The following CTXN2 variants were observed in gnomAD, a reference collection of about 807,000 sequenced individuals.
CTXN2 encodes the protein cortexin 2, also known as cortexin-2.
CTXN2 carries 3 observed loss-of-function variants against 5.7 expected under a neutral mutation model. The observed-to-expected ratio is 0.53, with a 90% CI of 0.24 to 1.36. CTXN2 has a LOEUF of 1.36. Among genes scored for constraint, CTXN2 ranks in the 40% most tolerant of loss-of-function variants. CTXN2 has a pLI of 0.17. For missense variants in CTXN2, 87 were observed against 93.0 expected (o/e 0.94, Z 0.26); for synonymous variants, 38 against 36.4 (o/e 1.04, Z -0.16).
At position 48,191,674 on chromosome 15, in the gene CTXN2, A is replaced by G; in HGVS notation, c.-237A>G. Reference sequence around the variant, plus strand: ...GGCGCCCACGTCCTCTGTCTCACCAACAGACACAGACATTTACACTTCTAG... The same window carrying G: ...GGCGCCCACGTCCTCTGTCTCACCAGCAGACACAGACATTTACACTTCTAG... On this transcript the variant is annotated 5_prime_UTR_variant, in exon 1 of 2. Coordinates refer to ENST00000417307, the MANE Select transcript of CTXN2 (RefSeq NM_001145668.2). 1 of 455,508 alleles carries G rather than the reference A, an allele frequency of 2.2e-6. No individual in the cohort carries two copies. Among genetic ancestry groups the G allele is most frequent in the South Asian group, 1.6e-5 (1 of 64,490 alleles). 28.2% of individuals were successfully genotyped at this position (455,508 alleles called of 1,614,324 possible). A position where few individuals can be genotyped will look rare whatever the true frequency, so the allele number is the denominator to read the frequency against.
Position 48,201,354 on chromosome 15 carries a change from A to G in CTXN2, c.54A>G (p.Val18=), listed in dbSNP as rs1042272049. The G allele has an allele frequency of 5.8e-6, 9 of 1,551,358 alleles. No individual in the cohort carries two copies. Among genetic ancestry groups the G allele is most frequent in the Non-Finnish European group, 7.8e-6 (9 of 1,146,718 alleles). The part of the protein sequence containing the change: ...NSSAKMSVNE[V]SAFSLTLEQK... ...CAGCTAAGATGAGTGTCAACGAAGT[A>G]TCAGCTTTCTCATTGACTCTGGAGC... The change falls in exon 2 of 2, where the codon GTA becomes GTG. Residue 18 remains valine, a synonymous_variant. Transcript: ENST00000417307.
chr15:48,179,574 T>C (rs768983799), intron 1 of CTXN2, among the ~76,000 whole-genome samples: 1 of 152,218 alleles, frequency 6.6e-6, no homozygotes, highest in Non-Finnish European at 1.5e-5. Flanking sequence ...AGACAAAATC[T>C]GGGTTAGAAC....
At chr15:48,195,329 G>C (rs1333988938) in intron 1 of CTXN2, among the ~76,000 whole-genome samples, 1 of 151,710 alleles carries the variant, frequency 6.6e-6, no homozygotes, top group Non-Finnish European at 1.5e-5. Context: ...CTACTCCCTA[G>C]TGGAGACCCT....
chr15:48,191,529 TCA>T (rs2040822019), upstream of CTXN2: 1 of 317,500 alleles, frequency 3.1e-6, no homozygotes, highest in Admixed American at 3.8e-5. Flanking sequence ...CCTTTCAGTC[TCA>T]CATACACACA....
At chr15:48,199,472 A>T (rs2040910465) in intron 1 of CTXN2, among the ~76,000 whole-genome samples, 1 of 152,232 alleles carries the variant, frequency 6.6e-6, no homozygotes, top group East Asian at 1.9e-4. Context: ...CTAGTAAAAA[A>T]CTAAATGAAC....
Position 48,196,636 on chromosome 15 carries a change from A to G in CTXN2, c.-57-4608A>G, listed in dbSNP as rs533550026. Among the ~76,000 whole-genome samples the G allele has an allele frequency of 2.0e-5, 3 of 152,230 alleles. No individual in the cohort carries two copies. The East Asian group carries it at 5.8e-4, about 29-fold the overall frequency. ...TTGCCAAAATAACTAAACCATGTCC[A>G]TGCTATTTCTCTGATTCATCATATT... is the stretch of plus-strand genomic sequence containing the variant. On this transcript the variant is annotated intron_variant, in intron 1 of 1. Transcript: ENST00000417307.
intron 1 of CTXN2, among the ~76,000 whole-genome samples, chr15:48,193,740 A>G (rs1265729755): frequency 2.0e-5 from 3 of 152,090 alleles, no homozygotes; most frequent in African/African-American, 7.2e-5. Flanking sequence ...TGTTTTTAAT[A>G]ATATTTTGTT....
In CTXN2 at chr15:48,201,454, C is replaced by T. The variant is rs2040928699; in HGVS notation, c.154C>T (p.Leu52=). Reference sequence around the variant, plus strand: ...TCTTATTATCCGATGCTTCAAAATCCTGCTAGACCCATATAGTAGCATGCC... The same window carrying T: ...TCTTATTATCCGATGCTTCAAAATCTTGCTAGACCCATATAGTAGCATGCC... The part of the protein sequence containing the change: ...GLLIIRCFKI[L]LDPYSSMPSS... The change falls in exon 2 of 2, where the codon CTG becomes TTG. Residue 52 remains leucine, a synonymous_variant. Coordinates refer to ENST00000417307, the MANE Select transcript of CTXN2 (RefSeq NM_001145668.2). The T allele has an allele frequency of 2.6e-6, 4 of 1,551,318 alleles. No homozygotes were observed. Among genetic ancestry groups the T allele is most frequent in the Middle Eastern group, 1.7e-4 (1 of 5,990 alleles).
intron 1 of CTXN2, among the ~76,000 whole-genome samples, chr15:48,186,324 A>C (rs772652525): frequency 1.1e-4 from 17 of 152,230 alleles, no homozygotes; most frequent in Non-Finnish European, 1.9e-4. Context: ...TCTCATTTTC[A>C]ATGGGACTCA....
intron 1 of CTXN2, among the ~76,000 whole-genome samples, chr15:48,186,360 AACTAC>A (rs1382391966): frequency 3.9e-5 from 6 of 152,230 alleles, no homozygotes; most frequent in Admixed American, 6.5e-5. Flanking sequence ...TTAGATCATT[AACTAC>A]ACTAAAGTGT....
At chr15:48,197,364 C>T (rs906536088) in intron 1 of CTXN2, among the ~76,000 whole-genome samples, 5 of 152,042 alleles carry the variant, frequency 3.3e-5, no homozygotes, top group Admixed American at 1.3e-4. Flanking sequence ...TCTCTTTCTA[C>T]TTAACGTGCT....
At chr15:48,193,206 C>T (rs1191268453) in intron 1 of CTXN2, among the ~76,000 whole-genome samples, 1 of 152,004 alleles carries the variant, frequency 6.6e-6, no homozygotes, top group Admixed American at 6.6e-5. Context: ...CTGACAATTG[C>T]CATGAAGGAA....
intron 1 of CTXN2, among the ~76,000 whole-genome samples, chr15:48,184,916 T>C (rs1033451191): frequency 6.6e-6 from 1 of 152,072 alleles, no homozygotes; most frequent in African/African-American, 2.4e-5. Flanking sequence ...AACAGATATA[T>C]AGATAAATAA....
In CTXN2 at chr15:48,201,734, C is replaced by T. The variant is rs1031613401; in HGVS notation, c.*188C>T. 3 of 641,228 alleles carry T rather than the reference C, an allele frequency of 4.7e-6. No individual in the cohort carries two copies. The highest frequency in any genetic ancestry group is 3.7e-5 in the African/African-American group (2 of 54,090). 39.7% of individuals were successfully genotyped at this position (641,228 alleles called of 1,614,324 possible). Reference sequence around the variant, plus strand: ...TTGGGATTCCTCACTTTCCTCTGTTCCCACTTAGAGGTTTCCAATGAATAG... The same window carrying T: ...TTGGGATTCCTCACTTTCCTCTGTTTCCACTTAGAGGTTTCCAATGAATAG... On this transcript the variant is annotated 3_prime_UTR_variant, in exon 2 of 2. Transcript: ENST00000417307.
upstream of CTXN2, among the ~76,000 whole-genome samples, chr15:48,187,433 T>C (rs2040768826): frequency 6.6e-6 from 1 of 152,210 alleles, no homozygotes; most frequent in Non-Finnish European, 1.5e-5. Context: ...TCAATAGCAA[T>C]ATTCAAATTA....
Position 48,201,251 on chromosome 15 carries a change from G to T in CTXN2, c.-50G>T, listed in dbSNP as rs1285609057. 5.8e-6 allele frequency: 9 copies of T among 1,542,692 alleles called. No individual in the cohort carries two copies. The highest frequency in any genetic ancestry group is 7.9e-6 in the Non-Finnish European group (9 of 1,141,034). ...GTCCAATTTTGTACCTAGGCAAAGA[G>T]TTGATTCCAGAAGGAACTGTGAAGA... On this transcript the variant is annotated 5_prime_UTR_variant, in exon 2 of 2. Transcript: ENST00000417307.
upstream of CTXN2, chr15:48,189,402 C>T (rs569930598): frequency 3.3e-5 from 5 of 152,254 alleles, no homozygotes; most frequent in African/African-American, 1.2e-4. Flanking sequence ...TATTTCAAGT[C>T]ATAAAGTGAC....
chr15:48,203,052 T>C lies in CTXN2; in HGVS notation c.*1506T>C, dbSNP rs2040940842. 6.0e-6 allele frequency: 1 copy of C among 167,024 alleles called. No homozygotes were observed. Among genetic ancestry groups the C allele is most frequent in the Non-Finnish European group, 1.5e-5 (1 of 68,112 alleles). 10.3% of individuals were successfully genotyped at this position (167,024 alleles called of 1,614,324 possible). ...GTTGGAGACTACTATTTCCATTTTA[T>C]TTTTAATCTTAATTTTGCAGAAGAG... On this transcript the variant is annotated 3_prime_UTR_variant, in exon 2 of 2. Transcript: ENST00000417307.
At chr15:48,186,951 A>G (rs2040763185), upstream of CTXN2, among the ~76,000 whole-genome samples, 3 of 151,838 alleles carry the variant, frequency 2.0e-5, no homozygotes, top group Middle Eastern at 0.01. Flanking sequence ...TAAGCCATTC[A>G]ATACTTCGTT....
Sources: allele counts gnomAD v4.1 joint callset (sites outside exome capture counted in the v4.1 genomes callset), GRCh38; gene constraint gnomAD v4.1.1; transcripts MANE v1.5; gene names NCBI Gene and HGNC (gene_info 2026-07-23, HGNC 2026-07-21).